Variants in PXYLP1 observed in about 807,000 individuals in gnomAD.
PXYLP1 encodes acid phosphatase-like 2.
Under a neutral mutation model 37.9 loss-of-function variants are expected in PXYLP1, and 17 were observed. The observed-to-expected ratio is 0.45, with a 90% CI of 0.31 to 0.67. PXYLP1 has a LOEUF of 0.67. PXYLP1 is among the 30% of genes least tolerant of loss of function. The pLI is 0.07. For missense variants in PXYLP1, 511 were observed against 612.0 expected (o/e 0.84, Z 1.74); for synonymous variants, 221 against 232.2 (o/e 0.95, Z 0.44).
intron 1 of PXYLP1, among the ~76,000 whole-genome samples, chr3:141,253,257 C>T (rs1163862245): frequency 6.6e-6 from 1 of 152,150 alleles, no homozygotes; most frequent in Non-Finnish European, 1.5e-5. Flanking sequence ...GCTGTGGGTG[C>T]TGGGCCAGGC....
At chr3:141,284,285 G>A (rs1435806278) in intron 4 of PXYLP1, among the ~76,000 whole-genome samples, 1 of 152,112 alleles carries the variant, frequency 6.6e-6, no homozygotes, top group Non-Finnish European at 1.5e-5. Context: ...CTACATGGTT[G>A]AACCCTGGTT....
At chr3:141,262,749 CA>C (rs1442483215) in intron 2 of PXYLP1, 1 of 1,477,232 alleles carries the variant, frequency 6.8e-7, no homozygotes, top group South Asian at 1.2e-5. Flanking sequence ...GGAATTTCCC[CA>C]TTTCTGTAGA....
chr3:141,259,255 C>T (rs897495794), intron 1 of PXYLP1, among the ~76,000 whole-genome samples: 8 of 152,244 alleles, frequency 5.3e-5, no homozygotes, highest in Admixed American at 5.2e-4. Flanking sequence ...TTGAAATTAC[C>T]GTTACAATCT....
chr3:141,261,377 T>A (rs1372148602), intron 2 of PXYLP1, among the ~76,000 whole-genome samples: 1 of 152,222 alleles, frequency 6.6e-6, no homozygotes, highest in Non-Finnish European at 1.5e-5. Flanking sequence ...CAGACTGGTC[T>A]CAAACTCCTG....
rs114061733 is a variant in PXYLP1, at chr3:141,293,084, G to T, written c.1322G>T (p.Arg441Leu). 22 of 1,614,030 alleles carry T rather than the reference G, an allele frequency of 1.4e-5. No individual in the cohort carries two copies. The highest frequency in any genetic ancestry group is 1.8e-5 in the Non-Finnish European group (21 of 1,180,048). Reference sequence around the variant, plus strand: ...TCTTTCTGCCAAGACCACCACAAGCGTTCTCCCAAGCCCATGTGCCCGCTT... The same window carrying T: ...TCTTTCTGCCAAGACCACCACAAGCTTTCTCCCAAGCCCATGTGCCCGCTT... ...HTSFCQDHHK[R>L]SPKPMCPLEN... The change falls in exon 6 of 6, where the codon CGT (arginine) becomes CTT (leucine). Residue 441 changes from arginine to leucine, a missense_variant. By Grantham distance (102) the Arg-to-Leu change is moderately radical (BLOSUM62 -2). Coordinates refer to ENST00000286353, the MANE Select transcript of PXYLP1 (RefSeq NM_001037172.3).
At chr3:141,255,242 T>C (rs1941239106) in intron 1 of PXYLP1, among the ~76,000 whole-genome samples, 1 of 152,238 alleles carries the variant, frequency 6.6e-6, no homozygotes, top group Non-Finnish European at 1.5e-5. Flanking sequence ...TCATCAGGAA[T>C]TCAGAGTAAT....
At chr3:141,246,217 T>G (rs138151968) in intron 1 of PXYLP1, among the ~76,000 whole-genome samples, 152 of 152,306 alleles carry the variant, frequency 1.0e-3, no homozygotes, top group African/African-American at 3.6e-3. Flanking sequence ...TGAGACTGGC[T>G]GTATGTTGCC....
chr3:141,232,200 A>AT (rs1940533014), intron 1 of PXYLP1: 1 of 133,876 alleles, frequency 7.5e-6, no homozygotes, highest in Non-Finnish European at 1.6e-5. Context: ...CGCCCGCCCC[A>AT]TAGCCCCCTT....
At chr3:141,250,305 T>G (rs1387554397) in intron 1 of PXYLP1, among the ~76,000 whole-genome samples, 1 of 152,270 alleles carries the variant, frequency 6.6e-6, no homozygotes, top group African/African-American at 2.4e-5. Context: ...AAAGTTGTGG[T>G]ACTGTCATCA....
chr3:141,273,831 T>C, intron 2 of PXYLP1: 1 of 985,356 alleles, frequency 1.0e-6, no homozygotes, highest in Non-Finnish European at 1.2e-6. Flanking sequence ...TGCATGCCCG[T>C]TGGTACAGAG....
At chr3:141,263,476 A>G (rs915472251) in intron 2 of PXYLP1, among the ~76,000 whole-genome samples, 8 of 152,242 alleles carry the variant, frequency 5.3e-5, no homozygotes, top group Non-Finnish European at 8.8e-5. Context: ...TGGTTATTGT[A>G]GTTAAAATAC....
chr3:141,251,845 G>A (rs1941146868), intron 1 of PXYLP1, among the ~76,000 whole-genome samples: 1 of 152,170 alleles, frequency 6.6e-6, no homozygotes, highest in Non-Finnish European at 1.5e-5. Flanking sequence ...GTTGGGGAGA[G>A]GGAACAAAGA....
chr3:141,280,641 A>G (rs185683461), intron 4 of PXYLP1, among the ~76,000 whole-genome samples: 3 of 152,370 alleles, frequency 2.0e-5, no homozygotes, highest in Non-Finnish European at 4.4e-5. Flanking sequence ...CTTAAGAGTA[A>G]GAGTGAGCAG....
chr3:141,240,974 G>A (rs1308181115), intron 1 of PXYLP1, among the ~76,000 whole-genome samples: 2 of 152,098 alleles, frequency 1.3e-5, no homozygotes, highest in Admixed American at 1.3e-4. Context: ...AGAGGAAGTG[G>A]TCTTTAGTCC....
intron 1 of PXYLP1, among the ~76,000 whole-genome samples, chr3:141,241,861 G>C (rs1340695625): frequency 6.6e-6 from 1 of 152,192 alleles, no homozygotes; most frequent in Non-Finnish European, 1.5e-5. Flanking sequence ...GCTGCTGGAG[G>C]CTGAGTAGGA....
At chr3:141,286,974 C>T (rs1465514283) in intron 4 of PXYLP1, among the ~76,000 whole-genome samples, 2 of 152,176 alleles carry the variant, frequency 1.3e-5, no homozygotes, top group Non-Finnish European at 2.9e-5. Context: ...CGATGCCCAG[C>T]CTAGGCGTGA....
At position 141,292,411 on chromosome 3, in the gene PXYLP1, T is replaced by G; in HGVS notation, c.649T>G (p.Leu217Val). ...CCGGACCCTACAAAGTGGGCTGGCC[T>G]TGCTTTATGGCTTTCTCCCAGATTT... ...KSRTLQSGLALLYGFLPDFDW... is the reference protein window; with the variant it reads ...KSRTLQSGLAVLYGFLPDFDW... The change falls in exon 6 of 6, where the codon TTG becomes GTG. Residue 217 changes from leucine to valine, a missense_variant. Leu to Val is a conservative substitution (Grantham distance 32, BLOSUM62 1). Transcript: ENST00000286353. The surrounding 1 kb of genome is among the most constrained non-coding windows in gnomAD (Gnocchi z 4.3). 1 of 1,614,224 alleles carries G rather than the reference T, an allele frequency of 6.2e-7. No individual in the cohort carries two copies. The highest frequency in any genetic ancestry group is 8.5e-7 in the Non-Finnish European group (1 of 1,180,042).
At chr3:141,232,468 C>T (rs1270847831) in intron 1 of PXYLP1, 1 of 152,268 alleles carries the variant, frequency 6.6e-6, no homozygotes, top group Non-Finnish European at 1.5e-5. Context: ...GCGGCCTTTC[C>T]CGGAGACGGG....
Position 141,292,744 on chromosome 3 carries a change from C to T in PXYLP1, c.982C>T (p.Gln328Ter). 1 of 1,613,962 alleles carries T rather than the reference C, an allele frequency of 6.2e-7. No homozygotes were observed. The highest frequency in any genetic ancestry group is 8.5e-7 in the Non-Finnish European group (1 of 1,179,938). The change falls in exon 6 of 6, where the codon CAG becomes TAG. Residue 328 changes from glutamine (Q) to a stop codon, truncating the protein, a stop_gained. Coordinates refer to ENST00000286353, the MANE Select transcript of PXYLP1 (RefSeq NM_001037172.3). LOFTEE classifies it high-confidence loss of function. The surrounding 1 kb of genome is among the most constrained non-coding windows in gnomAD (Gnocchi z 4.3). ...GCACTTCAAGGTAATTAAGACCCAT[C>T]AGATCGAGGATGAAAGGGAAAGACG... The part of the protein sequence containing the change: ...MEHFKVIKTH[Q>*]IEDERERREK...
Sources: allele counts gnomAD v4.1 joint callset (sites outside exome capture counted in the v4.1 genomes callset), GRCh38; gene constraint gnomAD v4.1.1; non-coding constraint Gnocchi (gnomAD v3.1); transcripts MANE v1.5; gene names NCBI Gene and HGNC (gene_info 2026-07-23, HGNC 2026-07-21).